The following EYA1 variants were observed in gnomAD, a reference collection of about 807,000 sequenced individuals.
EYA1 encodes EYA transcriptional coactivator and phosphatase 1.
A neutral mutation model predicts 82.0 loss-of-function variants in EYA1; 16 were observed. That is an observed-to-expected ratio of 0.20 (90% CI 0.13 to 0.30). The LOEUF (loss-of-function observed/expected upper bound fraction) is 0.30. EYA1 is among the 10% of genes least tolerant of loss of function. The pLI is 1.00. For synonymous variants in EYA1, 261 were observed against 264.4 expected (o/e 0.99, Z 0.12); for missense variants, 633 against 730.7 (o/e 0.87, Z 1.54).
At chr8:71,430,824 C>T (rs1044154479) in intron 2 of EYA1, among the ~76,000 whole-genome samples, 1 of 150,992 alleles carries the variant, frequency 6.6e-6, no homozygotes, top group African/African-American at 2.4e-5. Flanking sequence ...AAGACCAAAG[C>T]CAAAAGGTGA....
At position 71,472,527 on chromosome 8, in the gene EYA1, C is replaced by A. The variant is rs539043994; in HGVS notation, c.33+63217G>T. On this transcript the variant is annotated intron_variant, in intron 2 of 18. Transcript: ENST00000643681. ...ATAAAAACTATTAAATAGTAAAAAG[C>A]AGCCATTATTATTATGCTGGAAACT... Among the ~76,000 whole-genome samples, 420 of 152,054 alleles carry A rather than the reference C, an allele frequency of 2.8e-3. 2 individuals carry two copies. The highest frequency in any genetic ancestry group is 9.9e-3 in the African/African-American group (409 of 41,494).
intron 7 of EYA1, among the ~76,000 whole-genome samples, chr8:71,302,545 C>T (rs532945975): frequency 2.0e-5 from 2 of 100,904 alleles, no homozygotes; most frequent in East Asian, 2.9e-4. Flanking sequence ...TATGCCGAAA[C>T]AGGAGTTTAA....
chr8:71,361,224 TAAA>T (rs1827344155), intron 1 of EYA1, among the ~76,000 whole-genome samples: 1 of 152,204 alleles, frequency 6.6e-6, no homozygotes, highest in Admixed American at 6.5e-5. Context: ...TCAAAGTGTG[TAAA>T]AGTTACTTAT....
At chr8:71,479,932 G>A (rs1415649807) in intron 2 of EYA1, among the ~76,000 whole-genome samples, 1 of 152,150 alleles carries the variant, frequency 6.6e-6, no homozygotes, top group East Asian at 1.9e-4. Flanking sequence ...CAGTCCAAAG[G>A]AGATTGGAAA....
chr8:71,366,780 C>T (rs59443871), upstream of EYA1, among the ~76,000 whole-genome samples: 1 of 152,172 alleles, frequency 6.6e-6, no homozygotes, highest in East Asian at 1.9e-4. Context: ...CCTCATTTTT[C>T]TAGCACCATC....
At chr8:71,358,065 A>C (rs909987832) in intron 1 of EYA1, among the ~76,000 whole-genome samples, 4 of 152,128 alleles carry the variant, frequency 2.6e-5, no homozygotes, top group Non-Finnish European at 4.4e-5. Context: ...AATTATGTGA[A>C]AGAGTATTTA....
At chr8:71,531,509 T>G (rs1030189895) in intron 2 of EYA1, among the ~76,000 whole-genome samples, 1 of 152,046 alleles carries the variant, frequency 6.6e-6, no homozygotes, top group African/African-American at 2.4e-5. Context: ...ATAAGGAAAA[T>G]AGAATGATAT....
rs1273006630 is a variant in EYA1, at chr8:71,221,362, C to T, written c.1141-4339G>A. ...CAAAGGAACCCCGGGGGCTTAGTGA[C>T]CAGGCCTCAGAGAGGTGAGGGGAAG... On this transcript the variant is annotated intron_variant, in intron 12 of 17. Transcript: ENST00000340726. 4.6e-5 allele frequency among the ~76,000 whole-genome samples: 7 copies of T among 152,054 alleles called. No homozygotes were observed. The East Asian group carries it at 1.4e-3, about 29-fold the overall frequency.
intron 2 of EYA1, among the ~76,000 whole-genome samples, chr8:71,473,896 G>A (rs1299729440): frequency 1.3e-5 from 2 of 152,110 alleles, no homozygotes; most frequent in African/African-American, 4.8e-5. Flanking sequence ...CATGGCCTTT[G>A]CAGGGACTTG....
At chr8:71,340,105 A>G (rs1429680266) in intron 3 of EYA1, among the ~76,000 whole-genome samples, 2 of 152,146 alleles carry the variant, frequency 1.3e-5, no homozygotes, top group Admixed American at 1.3e-4. Context: ...TTGGAAACAA[A>G]TATTTATATT....
At chr8:71,504,937 G>A (rs1207962864) in intron 2 of EYA1, among the ~76,000 whole-genome samples, 1 of 152,140 alleles carries the variant, frequency 6.6e-6, no homozygotes, top group Admixed American at 6.5e-5. Flanking sequence ...AAGTAGCTAG[G>A]ACTACAGGTG....
At chr8:71,292,922 C>A (rs1586214354) in intron 9 of EYA1, among the ~76,000 whole-genome samples, 1 of 151,496 alleles carries the variant, frequency 6.6e-6, no homozygotes, top group African/African-American at 2.4e-5. Context: ...CAAAAGCAAT[C>A]AGAAAAAAAT....
intron 2 of EYA1, among the ~76,000 whole-genome samples, chr8:71,455,686 G>A (rs1807833909): frequency 6.6e-6 from 1 of 152,134 alleles, no homozygotes; most frequent in Non-Finnish European, 1.5e-5. Context: ...ATGCAGAAAA[G>A]GCCTTCGACA....
chr8:71,502,913 T>C (rs976064756), intron 2 of EYA1, among the ~76,000 whole-genome samples: 18 of 152,248 alleles, frequency 1.2e-4, no homozygotes, highest in Non-Finnish European at 2.2e-4. Context: ...TCATTACAGC[T>C]GAATGGTGAG....
chr8:71,542,629 G>A (rs926547082), intron 1 of EYA1, among the ~76,000 whole-genome samples: 10 of 152,174 alleles, frequency 6.6e-5, no homozygotes, highest in African/African-American at 2.2e-4. Context: ...AGTCTTTGAG[G>A]AATTGCCACA....
chr8:71,417,021 C>A (rs1407384869), intron 2 of EYA1, among the ~76,000 whole-genome samples: 1 of 152,214 alleles, frequency 6.6e-6, no homozygotes, highest in African/African-American at 2.4e-5. Context: ...TAAAAGCAGG[C>A]AGAACAACGT....
rs1215408000 is a variant in EYA1 at position 71,500,661 on chromosome 8, AT to A, written c.33+35082del. ...ACACAACTTCGATCTTGATGTATCTATTTTTTTATATCTATTAAGTCTGTGT... is the reference window on the plus strand; with the variant it reads ...ACACAACTTCGATCTTGATGTATCTATTTTTTATATCTATTAAGTCTGTGT... On this transcript the variant is annotated intron_variant, in intron 2 of 18. Transcript: ENST00000643681. Among the ~76,000 whole-genome samples the A allele has an allele frequency of 3.3e-5, 5 of 152,074 alleles. No homozygotes were observed. In the South Asian group the frequency reaches 6.2e-4, roughly 19 times the overall value.
intron 2 of EYA1, among the ~76,000 whole-genome samples, chr8:71,399,192 T>C (rs1829809108): frequency 6.6e-6 from 1 of 152,162 alleles, no homozygotes; most frequent in Admixed American, 6.5e-5. Context: ...GTACCGTCTG[T>C]CACGGCTTCC....
chr8:71,445,676 G>T (rs930516323), intron 2 of EYA1, among the ~76,000 whole-genome samples: 1 of 151,838 alleles, frequency 6.6e-6, no homozygotes, highest in African/African-American at 2.4e-5. Context: ...TCACTCTGTC[G>T]CCCAGGCTGG....
Sources: allele counts gnomAD v4.1 joint callset (sites outside exome capture counted in the v4.1 genomes callset), GRCh38; gene constraint gnomAD v4.1.1; transcripts MANE v1.5; gene names NCBI Gene and HGNC (gene_info 2026-07-23, HGNC 2026-07-21).